The following NDC80 variants were observed in gnomAD, a reference collection of about 807,000 sequenced individuals.
The protein encoded by NDC80 is NDC80 kinetochore complex component.
Under a neutral mutation model 89.3 loss-of-function variants are expected in NDC80, and 69 were observed. The ratio of observed to expected loss-of-function variants is 0.77; its 90% confidence interval spans 0.64 to 0.94. NDC80 has a LOEUF of 0.94. Among genes scored for constraint, NDC80 ranks in the 40% least tolerant of loss-of-function variants. The probability of loss-of-function intolerance (pLI) is 0.00; values close to 1 mark genes in which losing one functional copy is unlikely to be tolerated. For synonymous variants in NDC80, 243 were observed against 255.6 expected, an observed-to-expected ratio of 0.95 and a Z score of 0.47; for missense variants, 593 against 739.6, an observed-to-expected ratio of 0.80 and a Z score of 2.30.
chr18:2,611,045 ATTTTT>A (rs34508122), intron 16 of NDC80, among the ~76,000 whole-genome samples, 184 bp downstream of exon 16: 1 of 112,538 alleles, frequency 8.9e-6, no homozygotes, highest in South Asian at 2.8e-4. Context: ...ACACTTGAGC[ATTTTT>A]TTTTTTTTTT....
intron 12 of NDC80, among the ~76,000 whole-genome samples, chr18:2,600,364 A>G (rs534990250): frequency 2.6e-4 from 40 of 152,288 alleles, no homozygotes; most frequent in African/African-American, 9.1e-4. Context: ...TAATCCCAGC[A>G]CTTTGGGAGG....
chr18:2,584,418 A>G (rs897492551), intron 6 of NDC80, among the ~76,000 whole-genome samples: 1 of 151,474 alleles, frequency 6.6e-6, no homozygotes, highest in Non-Finnish European at 1.5e-5. Context: ...TAGTAATTTC[A>G]TTTAAATTTT....
rs71365186 is a variant in NDC80 at position 2,580,731 on chromosome 18, A to ATTTTTTTTTTTTTT, written c.579+1718_579+1731dup. Among the ~76,000 whole-genome samples the ATTTTTTTTTTTTTT allele has an allele frequency of 4.0e-3, 223 of 55,460 alleles. 54 individuals carry two copies. Among genetic ancestry groups the ATTTTTTTTTTTTTT allele is most frequent in the East Asian group, 8.3e-3 (9 of 1,090 alleles). The allele number at this position is 55,460 out of a possible 152,430, so 36.4% of individuals were successfully genotyped here. A position where few individuals can be genotyped will look rare whatever the true frequency, so the allele number is the denominator to read the frequency against. ...ACTACTTTTTTGGTCTCACCATCAG[A>ATTTTTTTTTTTTTT]TTTTTTTTTTTTTTTTTTTTTTTTT... On this transcript the variant is annotated intron_variant, in intron 6 of 16. Transcript: ENST00000261597.
chr18:2,608,883 C>T, intron 15 of NDC80, 53 bp downstream of exon 15: 1 of 1,544,872 alleles, frequency 6.5e-7, no homozygotes, highest in Non-Finnish European at 8.8e-7. Flanking sequence ...ATTAATTTAA[C>T]AGTTCCATAA....
At chr18:2,573,614 A>G (rs2072531382) in intron 2 of NDC80, among the ~76,000 whole-genome samples, 1 of 152,220 alleles carries the variant, frequency 6.6e-6, no homozygotes, top group Non-Finnish European at 1.5e-5. Flanking sequence ...TATCTTCCAG[A>G]TAAGAGAAGG....
intron 11 of NDC80, among the ~76,000 whole-genome samples, chr18:2,597,586 C>G (rs925371476): frequency 6.6e-6 from 1 of 152,094 alleles, no homozygotes; most frequent in Non-Finnish European, 1.5e-5. Context: ...CAAAAAGAAG[C>G]CAGGTGTGGT....
At chr18:2,583,054 C>G (rs190317349) in intron 6 of NDC80, among the ~76,000 whole-genome samples, 1 of 152,326 alleles carries the variant, frequency 6.6e-6, no homozygotes, top group East Asian at 1.9e-4. Context: ...CCCTCTGTGT[C>G]CTTTTCCTCC....
intron 16 of NDC80, among the ~76,000 whole-genome samples, chr18:2,614,130 T>A (rs1450142926): frequency 1.3e-5 from 2 of 152,176 alleles, no homozygotes; most frequent in African/African-American, 4.8e-5. Context: ...TGTAAATTGA[T>A]AAAATAATTT....
intron 14 of NDC80, among the ~76,000 whole-genome samples, chr18:2,607,827 A>T (rs956214790): frequency 1.3e-5 from 2 of 150,972 alleles, no homozygotes; most frequent in Admixed American, 6.6e-5. Context: ...ATACAAACAT[A>T]TATTTTTTTA....
intron 10 of NDC80, among the ~76,000 whole-genome samples, chr18:2,590,825 C>T (rs1247198930): frequency 6.6e-6 from 1 of 152,212 alleles, no homozygotes; most frequent in Non-Finnish European, 1.5e-5. Flanking sequence ...AAACATGCTG[C>T]CTGAATATAG....
chr18:2,599,243 C>A, intron 12 of NDC80, 72 bp downstream of exon 12: 1 of 1,305,994 alleles, frequency 7.7e-7, no homozygotes, highest in Non-Finnish European at 1.0e-6. Flanking sequence ...TGAACTTTGG[C>A]TTGTTCATAA....
intron 11 of NDC80, among the ~76,000 whole-genome samples, chr18:2,596,314 C>G (rs2143653147): frequency 6.6e-6 from 1 of 152,008 alleles, no homozygotes; most frequent in African/African-American, 2.4e-5. Context: ...ACAATGAACT[C>G]AAACAAATTT....
In NDC80 at chr18:2,580,731, A is replaced by AT. The variant is rs71365186; in HGVS notation, c.579+1731dup. Among the ~76,000 whole-genome samples the AT allele has an allele frequency of 3.3e-3, 183 of 55,442 alleles. 27 individuals are homozygous for AT. Among genetic ancestry groups the AT allele is most frequent in the Middle Eastern group, 0.019 (1 of 52 alleles). 36.4% of individuals were successfully genotyped at this position (55,442 alleles called of 152,430 possible). ...ACTACTTTTTTGGTCTCACCATCAG[A>AT]TTTTTTTTTTTTTTTTTTTTTTTTT... On this transcript the variant is annotated intron_variant, in intron 6 of 16. Coordinates refer to ENST00000261597, the MANE Select transcript of NDC80 (RefSeq NM_006101.3).
Position 2,595,485 on chromosome 18 carries a change from C to T in NDC80, c.1085C>T (p.Ser362Leu), listed in dbSNP as rs746890670. 6 of 1,613,696 alleles carry T rather than the reference C, an allele frequency of 3.7e-6. No homozygotes were observed. The highest frequency in any genetic ancestry group is 4.2e-6 in the Non-Finnish European group (5 of 1,179,728). Residue 362 changes from serine (S) to leucine (L), a missense_variant, in exon 11 of 17, where the codon TCA becomes TTA. Physicochemically the swap from Ser to Leu is moderately radical, Grantham distance 145. Transcript: ENST00000261597. ...LQNIIDNQKY[S>L]VADIERINHE... ...AATATCATTGACAACCAGAAGTACT[C>T]AGTTGCAGACATTGAGCGAATAAAT...
At chr18:2,585,296 G>C (rs2072598185) in intron 7 of NDC80, 94 bp downstream of exon 7, 5 of 953,786 alleles carry the variant, frequency 5.2e-6, no homozygotes, top group Non-Finnish European at 8.2e-6. Flanking sequence ...ACTTATGATA[G>C]AGTAATAAAC....
At chr18:2,588,657 G>T (rs2072613335) in intron 8 of NDC80, among the ~76,000 whole-genome samples, 3 of 152,164 alleles carry the variant, frequency 2.0e-5, no homozygotes, top group Admixed American at 2.0e-4. Flanking sequence ...CCCTGGGATT[G>T]TATCTTCCTG....
At chr18:2,578,175 C>T in intron 5 of NDC80, 34 bp downstream of exon 5, 14 of 1,561,704 alleles carry the variant, frequency 9.0e-6, no homozygotes, top group Admixed American at 1.9e-5. Flanking sequence ...AGAGACATGA[C>T]TGGCACACAG....
intron 13 of NDC80, among the ~76,000 whole-genome samples, chr18:2,604,988 C>G (rs1236904915): frequency 6.6e-5 from 10 of 151,942 alleles, no homozygotes; most frequent in Non-Finnish European, 1.2e-4. Context: ...ATGGTAGGGA[C>G]CCAAAGCAAG....
rs1024925854 is a variant in NDC80, at chr18:2,578,970, G to C, written c.520G>C (p.Ala174Pro). ...CAAAAGCTCCATGTACACAGTGGGGGCTCCTCATACATGGCCTCACATTGT... is the reference window on the plus strand; with the variant it reads ...CAAAAGCTCCATGTACACAGTGGGGCCTCCTCATACATGGCCTCACATTGT... ...LSKSSMYTVG[A>P]PHTWPHIVAA... Residue 174 changes from alanine to proline, a missense_variant, in exon 6 of 17, where the codon GCT (alanine) becomes CCT (proline). Coordinates refer to ENST00000261597, the MANE Select transcript of NDC80 (RefSeq NM_006101.3). The C allele has an allele frequency of 6.4e-7, 1 of 1,570,418 alleles. No homozygotes were observed. The highest frequency in any genetic ancestry group is 1.4e-5 in the African/African-American group (1 of 72,606).
Sources: gnomAD v4.1 joint callset for allele counts (sites outside exome capture counted in the v4.1 genomes callset) on GRCh38, gnomAD v4.1.1 for gene constraint, MANE v1.5 for transcripts, NCBI Gene and HGNC (gene_info 2026-07-23, HGNC 2026-07-21) for gene names.